The following SGCZ variants were observed in gnomAD, a reference collection of about 807,000 sequenced individuals.
SGCZ encodes the protein zeta-sarcoglycan.
SGCZ carries 40 observed loss-of-function variants against 41.3 expected under a neutral mutation model. The ratio of observed to expected loss-of-function variants is 0.97; its 90% confidence interval spans 0.75 to 1.26. The LOEUF (loss-of-function observed/expected upper bound fraction) is 1.26, where lower values mean the gene tolerates loss of function less well. Ranked by LOEUF, SGCZ falls within the 50% of genes most tolerant of loss-of-function variation. The pLI is 0.00. For missense variants in SGCZ, 552 were observed against 369.8 expected (o/e 1.49, Z -4.04); for synonymous variants, 206 against 137.5 (o/e 1.50, Z -3.49).
chr8:14,566,756 G>T (rs1003179038), intron 1 of SGCZ, among the ~76,000 whole-genome samples: 14 of 152,228 alleles, frequency 9.2e-5, no homozygotes, highest in Admixed American at 8.5e-4. Flanking sequence ...CCGCTGCACT[G>T]TGGGAGCCCC....
At chr8:14,738,772 C>A (rs956136139) in intron 1 of SGCZ, among the ~76,000 whole-genome samples, 1 of 151,856 alleles carries the variant, frequency 6.6e-6, no homozygotes, top group African/African-American at 2.4e-5. Flanking sequence ...AAGAAGATAA[C>A]CCTACTAACT....
At chr8:14,664,197 A>G (rs1320821700) in intron 1 of SGCZ, among the ~76,000 whole-genome samples, 3 of 152,176 alleles carry the variant, frequency 2.0e-5, no homozygotes, top group Non-Finnish European at 1.5e-5. Context: ...TAGGATTTGA[A>G]CTTAGAATTA....
intron 3 of SGCZ, among the ~76,000 whole-genome samples, chr8:14,304,894 A>G (rs182502379): frequency 2.0e-5 from 3 of 152,332 alleles, no homozygotes; most frequent in Admixed American, 2.0e-4. Flanking sequence ...GACATTGCCT[A>G]AAGTAGAAAA....
At chr8:15,181,732 T>C (rs552228981) in intron 1 of SGCZ, among the ~76,000 whole-genome samples, 3 of 152,320 alleles carry the variant, frequency 2.0e-5, no homozygotes, top group Admixed American at 1.3e-4. Context: ...ACAGTTGTTA[T>C]GGGAAGTAAG....
rs1398356680 is a variant in SGCZ, at chr8:14,616,957, G to C, written c.40-62031C>G. Among the ~76,000 whole-genome samples the C allele has an allele frequency of 9.9e-5, 15 of 152,098 alleles. No homozygotes were observed. In the East Asian group the frequency reaches 2.9e-3, roughly 29 times the overall value. ...TGCTATTTCCCAGCTATATAAAATA[G>C]CCATTTCTTTTCTGAGTTTTCACAT... is the stretch of plus-strand genomic sequence containing the variant. On this transcript the variant is annotated intron_variant, in intron 1 of 7. Transcript: ENST00000382080.
intron 1 of SGCZ, among the ~76,000 whole-genome samples, chr8:14,877,214 C>T (rs1289612097): frequency 3.3e-5 from 5 of 152,030 alleles, no homozygotes; most frequent in African/African-American, 7.2e-5. Context: ...CATCATGATC[C>T]GCCAGCCTTA....
chr8:14,875,157 G>T (rs923251459), intron 1 of SGCZ, among the ~76,000 whole-genome samples: 2 of 152,138 alleles, frequency 1.3e-5, no homozygotes, highest in Non-Finnish European at 2.9e-5. Context: ...TTTGGTAAAG[G>T]CCTCATCTCC....
At chr8:14,395,063 A>C (rs1335220735) in intron 2 of SGCZ, among the ~76,000 whole-genome samples, 1 of 152,230 alleles carries the variant, frequency 6.6e-6, no homozygotes, top group Non-Finnish European at 1.5e-5. Flanking sequence ...AGATTAAATC[A>C]AATTAAATAG....
chr8:14,820,234 T>A (rs1331357975), intron 1 of SGCZ, among the ~76,000 whole-genome samples: 1 of 152,020 alleles, frequency 6.6e-6, no homozygotes, highest in Non-Finnish European at 1.5e-5. Flanking sequence ...ATAGCCATAC[T>A]TATAAACAGA....
intron 1 of SGCZ, among the ~76,000 whole-genome samples, chr8:14,586,526 CATTTATTAATTTTAAATATTATCATTTTA>C (rs1805063571): frequency 6.6e-6 from 1 of 152,074 alleles, no homozygotes; most frequent in Non-Finnish European, 1.5e-5. Flanking sequence ...AATATGCTTT[CATTTATTAATTTTAAATATTATCATTTTA>C]AGCATTTTTA....
chr8:14,701,924 TA>T (rs1467590204), intron 1 of SGCZ, among the ~76,000 whole-genome samples: 16 of 152,026 alleles, frequency 1.1e-4, no homozygotes, highest in African/African-American at 2.7e-4. Context: ...ACGAACAAAC[TA>T]ATAAACCTCC....
intron 1 of SGCZ, among the ~76,000 whole-genome samples, chr8:14,684,999 AT>A (rs1808565833): frequency 6.6e-6 from 1 of 152,164 alleles, no homozygotes; most frequent in Non-Finnish European, 1.5e-5. Flanking sequence ...GGCATGTATA[AT>A]AAATTATTAA....
At chr8:14,903,049 C>G (rs1799018178) in intron 1 of SGCZ, among the ~76,000 whole-genome samples, 1 of 152,102 alleles carries the variant, frequency 6.6e-6, no homozygotes, top group Non-Finnish European at 1.5e-5. Flanking sequence ...CCTTCTCTTG[C>G]TCCTGAGACG....
chr8:14,466,448 G>A (rs1018219794), intron 2 of SGCZ, among the ~76,000 whole-genome samples: 4 of 151,920 alleles, frequency 2.6e-5, no homozygotes, highest in African/African-American at 7.2e-5. Context: ...GTATTGAAGT[G>A]AGAGTCTTTT....
intron 4 of SGCZ, among the ~76,000 whole-genome samples, chr8:14,179,101 C>T (rs1200361979): frequency 1.3e-5 from 2 of 152,186 alleles, no homozygotes; most frequent in African/African-American, 4.8e-5. Context: ...ACAATATTAT[C>T]TGCCAGGGGG....
At chr8:14,985,319 T>C (rs1473941788) in intron 1 of SGCZ, among the ~76,000 whole-genome samples, 1 of 152,138 alleles carries the variant, frequency 6.6e-6, no homozygotes, top group Non-Finnish European at 1.5e-5. Flanking sequence ...ATTGGTATAC[T>C]CTCATGCCCC....
At chr8:14,839,792 A>G (rs1395067989) in intron 1 of SGCZ, among the ~76,000 whole-genome samples, 1 of 152,194 alleles carries the variant, frequency 6.6e-6, no homozygotes, top group Non-Finnish European at 1.5e-5. Context: ...ATTTGGACAC[A>G]AACATTTAGT....
intron 1 of SGCZ, among the ~76,000 whole-genome samples, chr8:14,940,359 AT>A (rs949338612): frequency 1.3e-5 from 2 of 152,158 alleles, no homozygotes; most frequent in Admixed American, 1.3e-4. Context: ...ATGCCCTCAA[AT>A]TTAAAAGCCA....
chr8:14,148,705 T>TTGA, intron 5 of SGCZ, among the ~76,000 whole-genome samples: 1 of 152,192 alleles, frequency 6.6e-6, no homozygotes, highest in Admixed American at 6.5e-5. Flanking sequence ...CAGTATTACC[T>TTGA]TGATATCAAA....
Sources: gnomAD v4.1 joint callset for allele counts (sites outside exome capture counted in the v4.1 genomes callset) on GRCh38, gnomAD v4.1.1 for gene constraint, MANE v1.5 for transcripts, NCBI Gene and HGNC (gene_info 2026-07-23, HGNC 2026-07-21) for gene names.